Variants in TENM3 observed in about 807,000 individuals in gnomAD.
TENM3 encodes the protein teneurin transmembrane protein 3.
TENM3 carries 63 observed loss-of-function variants against 255.1 expected under a neutral mutation model. That is an observed-to-expected ratio of 0.25 (90% CI 0.20 to 0.30). The LOEUF is 0.30. Ranked by LOEUF, TENM3 falls within the 10% of genes least tolerant of loss-of-function variation. The pLI is 1.00. For missense variants in TENM3, 2,929 were observed against 3,461.1 expected (o/e 0.85, Z 3.86); for synonymous variants, 1,306 against 1,322.3 (o/e 0.99, Z 0.27).
the TENM3 span, among the ~76,000 whole-genome samples, chr4:181,594,069 A>G: frequency 7.9e-6 from 1 of 126,466 alleles, no homozygotes; most frequent in Non-Finnish European, 1.9e-5. Context: ...AGAAGTGATA[A>G]TCAACCTAAT....
chr4:181,966,356 T>C, the TENM3 span, among the ~76,000 whole-genome samples: 1 of 152,178 alleles, frequency 6.6e-6, no homozygotes, highest in Admixed American at 6.5e-5. Context: ...GGGAGCCATA[T>C]GGTGGAGTAT....
At chr4:181,839,294 T>C in the TENM3 span, among the ~76,000 whole-genome samples, 1 of 146,670 alleles carries the variant, frequency 6.8e-6, no homozygotes, top group Non-Finnish European at 1.5e-5. Flanking sequence ...TGTTAGCTTT[T>C]ATATCTTCTC....
the TENM3 span, among the ~76,000 whole-genome samples, chr4:181,828,120 C>G: frequency 2.6e-5 from 4 of 152,270 alleles, no homozygotes; most frequent in Middle Eastern, 0.014. Flanking sequence ...CTGACTAAAC[C>G]AAACTTCCAT....
the TENM3 span, among the ~76,000 whole-genome samples, chr4:181,705,059 AAAAAAC>A: frequency 1.3e-5 from 2 of 151,228 alleles, no homozygotes. Context: ...AACAAAAAAA[AAAAAAC>A]AAAAAAGGAG....
At chr4:182,368,758 C>G (rs955117991) in intron 3 of TENM3, among the ~76,000 whole-genome samples, 1 of 152,100 alleles carries the variant, frequency 6.6e-6, no homozygotes, top group African/African-American at 2.4e-5. Context: ...TATATACCCA[C>G]GAGTCCTGGT....
intron 1 of TENM3, among the ~76,000 whole-genome samples, chr4:182,182,868 C>T (rs1445793461): frequency 6.6e-6 from 1 of 152,114 alleles, no homozygotes; most frequent in Non-Finnish European, 1.5e-5. Context: ...ATGTTGCAAA[C>T]AAACAAGTAA....
chr4:182,347,558 AAAATTGGATTTTAGGAT>A (rs1427352007), intron 3 of TENM3, among the ~76,000 whole-genome samples: 1 of 152,230 alleles, frequency 6.6e-6, no homozygotes, highest in East Asian at 1.9e-4. Flanking sequence ...TCCACACACA[AAAATTGGATTTTAGGAT>A]ATCCAAATAG....
intron 1 of TENM3, among the ~76,000 whole-genome samples, chr4:182,289,098 T>C (rs1254161739): frequency 1.6e-4 from 25 of 151,766 alleles, no homozygotes; most frequent in Admixed American, 1.6e-3. Context: ...GGCATGGTGG[T>C]GCACACCTGT....
chr4:181,761,662 C>G, the TENM3 span, among the ~76,000 whole-genome samples: 1 of 152,064 alleles, frequency 6.6e-6, no homozygotes. Flanking sequence ...TTATTTTGTT[C>G]TTCACAAAGA....
At chr4:181,463,704 T>C in the TENM3 span, among the ~76,000 whole-genome samples, 1 of 152,142 alleles carries the variant, frequency 6.6e-6, no homozygotes, top group South Asian at 2.1e-4. Flanking sequence ...TCAATGGTGG[T>C]TAGCATTTCC....
At chr4:181,521,800 TAAG>T in the TENM3 span, among the ~76,000 whole-genome samples, 1 of 151,988 alleles carries the variant, frequency 6.6e-6, no homozygotes, top group Non-Finnish European at 1.5e-5. Context: ...TAAAGTCACT[TAAG>T]AAGCCAATGT....
chr4:182,563,051 G>C (rs1029573111), intron 3 of TENM3, among the ~76,000 whole-genome samples: 1 of 152,166 alleles, frequency 6.6e-6, no homozygotes, highest in South Asian at 2.1e-4. Context: ...AGAAGATACA[G>C]TGGTGGTGAT....
At chr4:181,782,570 G>C in the TENM3 span, among the ~76,000 whole-genome samples, 5 of 151,638 alleles carry the variant, frequency 3.3e-5, no homozygotes, top group Non-Finnish European at 5.9e-5. Flanking sequence ...CAAAAAACCA[G>C]CTCCTGGATA....
the TENM3 span, among the ~76,000 whole-genome samples, chr4:182,118,930 T>C: frequency 1.3e-5 from 2 of 152,204 alleles, no homozygotes; most frequent in Non-Finnish European, 1.5e-5. Context: ...GCAGACATAA[T>C]GTTCTGGGTA....
chr4:181,868,048 C>G, the TENM3 span, among the ~76,000 whole-genome samples: 1 of 151,970 alleles, frequency 6.6e-6, no homozygotes, highest in African/African-American at 2.4e-5. Context: ...GAGGTAATTC[C>G]CTATATTTCT....
intron 7 of TENM3, among the ~76,000 whole-genome samples, chr4:182,678,665 G>A (rs1755848023): frequency 6.6e-6 from 1 of 152,186 alleles, no homozygotes; most frequent in African/African-American, 2.4e-5. Context: ...CACCTGTAAA[G>A]TGCAAATGTT....
At chr4:182,719,285 G>A (rs1309973301) in intron 13 of TENM3, among the ~76,000 whole-genome samples, 3 of 108,042 alleles carry the variant, frequency 2.8e-5, no homozygotes, top group Admixed American at 1.2e-4. Context: ...TTTTTGAGAC[G>A]GAGTCTCGCT....
At chr4:182,666,511 C>A (rs563801646) in intron 6 of TENM3, among the ~76,000 whole-genome samples, 2 of 152,306 alleles carry the variant, frequency 1.3e-5, no homozygotes, top group Non-Finnish European at 1.5e-5. Flanking sequence ...GAGGTAAGAT[C>A]CTCCACCAGC....
At chr4:182,369,644 G>T (rs1455730447) in intron 3 of TENM3, among the ~76,000 whole-genome samples, 1 of 152,174 alleles carries the variant, frequency 6.6e-6, no homozygotes, top group Non-Finnish European at 1.5e-5. Flanking sequence ...ACTTTGGGAG[G>T]CTGAGGCAGG....
Sources: allele counts gnomAD v4.1 joint callset (sites outside exome capture counted in the v4.1 genomes callset), GRCh38; gene constraint gnomAD v4.1.1; transcripts MANE v1.5; gene names NCBI Gene and HGNC (gene_info 2026-07-23, HGNC 2026-07-21).